The following LRP4 variants were observed in gnomAD, a reference collection of about 807,000 sequenced individuals.
The protein encoded by LRP4 is low-density lipoprotein receptor-related protein 4.
A neutral mutation model predicts 220.3 loss-of-function variants in LRP4; 95 were observed. That is an observed-to-expected ratio of 0.43 (90% CI 0.37 to 0.51). The LOEUF (loss-of-function observed/expected upper bound fraction) is 0.51, where lower values mean the gene tolerates loss of function less well. LRP4 is among the 20% of genes least tolerant of loss of function. The pLI is 0.00. For synonymous variants in LRP4, 903 were observed against 954.6 expected (o/e 0.95, Z 1.00); for missense variants, 1,925 against 2,567.0 (o/e 0.75, Z 5.40).
chr11:46,867,183 G>A (rs989826662), intron 34 of LRP4, among the ~76,000 whole-genome samples: 6 of 151,956 alleles, frequency 3.9e-5, no homozygotes, highest in Non-Finnish European at 7.4e-5. Context: ...AGAACTGTTC[G>A]TGTTTATGCT....
intron 2 of LRP4, among the ~76,000 whole-genome samples, chr11:46,901,883 C>A (rs1327197340): frequency 2.0e-5 from 3 of 151,982 alleles, no homozygotes; most frequent in Admixed American, 2.0e-4. Context: ...CAGGTGCCTG[C>A]CACCACGCCC....
intron 9 of LRP4, 90 bp from the exon 10 acceptor site, chr11:46,896,108 C>G (rs1362173080): frequency 6.2e-7 from 1 of 1,611,306 alleles, no homozygotes; most frequent in East Asian, 2.2e-5. Flanking sequence ...CAAAGAACAG[C>G]TCCCAAAGCT....
At position 46,918,543 on chromosome 11, in the gene LRP4, C is replaced by G. The variant is rs1175008737; in HGVS notation, c.-164G>C. ...GCCGCCGCCTCCAGTGCTGCCAGAG[C>G]CGACGCTGCCCCGCCAGGGGACCGG... On this transcript the variant is annotated 5_prime_UTR_variant, in exon 1 of 38. Transcript: ENST00000378623. This position sits in a 1 kb window ranked among gnomAD's most constrained non-coding sequence, Gnocchi z 6.0. 1.1e-5 allele frequency: 3 copies of G among 270,980 alleles called. No homozygotes were observed. Among genetic ancestry groups the G allele is most frequent in the Non-Finnish European group, 1.9e-5 (3 of 162,042 alleles). The allele number at this position is 270,980 out of a possible 1,614,324, so 16.8% of individuals were successfully genotyped here.
intron 37 of LRP4, among the ~76,000 whole-genome samples, chr11:46,861,444 T>C (rs1370651467): frequency 8.7e-5 from 13 of 150,040 alleles, no homozygotes; most frequent in Admixed American, 2.7e-4. Flanking sequence ...TTACAGGATT[T>C]TAGGAAAAAA....
In LRP4 at chr11:46,889,421, G is replaced by A; in HGVS notation, c.2205C>T (p.Ala735=). ...TGCAGACCCACTTACTCTGGGCACA[G>A]GCGTGGCTGCTGATCTTGCGGAAGC... ...PTGFRKISSH[A]CAQSLDKFLL... is the part of the protein sequence containing the mutation. The change falls in exon 16 of 38, where the codon GCC becomes GCT. Residue 735 remains alanine (A), a synonymous_variant. Transcript: ENST00000378623. 6.2e-7 allele frequency: 1 copy of A among 1,614,100 alleles called. No individual in the cohort carries two copies. The highest frequency in any genetic ancestry group is 8.5e-7 in the Non-Finnish European group (1 of 1,180,034).
Position 46,899,830 on chromosome 11 carries a change from C to CCTTG in LRP4, c.430+29_430+32dup. ...CCATGGCCAGGCCACCCACTGGCCA[C>CCTTG]CTTGCCTGCCTTCCCCCGTTGGGGT... On this transcript the variant is annotated intron_variant, in intron 4 of 37. Coordinates refer to ENST00000378623, the MANE Select transcript of LRP4 (RefSeq NM_002334.4). The surrounding 1 kb of genome is among the most constrained non-coding windows in gnomAD (Gnocchi z 5.9). 1 of 1,591,370 alleles carries CCTTG rather than the reference C, an allele frequency of 6.3e-7. No individual in the cohort carries two copies. Among genetic ancestry groups the CCTTG allele is most frequent in the Non-Finnish European group, 8.6e-7 (1 of 1,160,526 alleles).
intron 13 of LRP4, 36 bp downstream of exon 13, chr11:46,892,937 T>C (rs768345140): frequency 9.9e-6 from 16 of 1,609,304 alleles, no homozygotes; most frequent in East Asian, 2.2e-5. Flanking sequence ...TCCCGAGAGG[T>C]TGCAAGAAAG....
intron 36 of LRP4, among the ~76,000 whole-genome samples, chr11:46,863,679 A>C (rs992248368): frequency 6.6e-6 from 1 of 151,918 alleles, no homozygotes; most frequent in Admixed American, 6.6e-5. Flanking sequence ...GAATTGCTTG[A>C]ATCCAGGAGG....
chr11:46,879,025 A>C lies in LRP4; in HGVS notation c.3018T>G (p.Cys1006Trp). 1 of 1,614,218 alleles carries C rather than the reference A, an allele frequency of 6.2e-7. No individual in the cohort carries two copies. ...HRRRPPVSTP[C>W]AMENGGCSHL... is the part of the protein sequence containing the mutation. ...GGCTACAGCCGCCATTCTCCATAGC[A>C]CATGGTGTAGACACTGGGTAGAGAG... Residue 1006 changes from cysteine (C) to tryptophan (W), a missense_variant, in exon 22 of 38, where the codon TGT becomes TGG. Physicochemically the swap from Cys to Trp is radical, Grantham distance 215. Coordinates refer to ENST00000378623, the MANE Select transcript of LRP4 (RefSeq NM_002334.4).
rs376437208 is a variant in LRP4, at chr11:46,889,413, T to G, written c.2213A>C (p.Gln738Pro). 179 of 1,613,892 alleles carry G rather than the reference T, an allele frequency of 1.1e-4. No individual in the cohort carries two copies. The highest frequency in any genetic ancestry group is 1.5e-4 in the Non-Finnish European group (174 of 1,180,036). ...FRKISSHACA[Q>P]SLDKFLLFAR... is the part of the protein sequence containing the mutation. Reference sequence around the variant, plus strand: ...GCTGGTGTTGCAGACCCACTTACTCTGGGCACAGGCGTGGCTGCTGATCTT... The same window carrying G: ...GCTGGTGTTGCAGACCCACTTACTCGGGGCACAGGCGTGGCTGCTGATCTT... Residue 738 changes from glutamine (Q) to proline (P), a missense_variant and splice_region_variant, in exon 16 of 38, where the codon CAG becomes CCG. Coordinates refer to ENST00000378623, the MANE Select transcript of LRP4 (RefSeq NM_002334.4).
intron 18 of LRP4, among the ~76,000 whole-genome samples, chr11:46,885,602 T>C (rs527694996): frequency 6.6e-6 from 1 of 151,874 alleles, no homozygotes; most frequent in South Asian, 2.1e-4. Flanking sequence ...TGAAACCCCG[T>C]CTCTACTAAA....
chr11:46,884,571 C>A (rs1302668392), intron 18 of LRP4, among the ~76,000 whole-genome samples: 2 of 151,852 alleles, frequency 1.3e-5, no homozygotes, highest in Non-Finnish European at 2.9e-5. Context: ...CCCGTCTCTA[C>A]TAAAAAATAC....
intron 36 of LRP4, among the ~76,000 whole-genome samples, chr11:46,863,292 A>G (rs1056095828): frequency 1.3e-5 from 2 of 152,152 alleles, no homozygotes; most frequent in African/African-American, 4.8e-5. Flanking sequence ...ACCCATAGAA[A>G]CTGTGAGATA....
Position 46,896,878 on chromosome 11 carries a change from C to T in LRP4, c.913G>A (p.Glu305Lys). 1 of 1,614,220 alleles carries T rather than the reference C, an allele frequency of 6.2e-7. No individual in the cohort carries two copies. Among genetic ancestry groups the T allele is most frequent in the Non-Finnish European group, 8.5e-7 (1 of 1,180,020 alleles). ...CCCCGGGAGACACCACCTGTATTCT[C>T]ACAGTTCTCTTCATCGCTGTTGTCT... Reference protein sequence around the residue: ...CADNSDEENCENTGSPQCALD... With the variant: ...CADNSDEENCKNTGSPQCALD... Residue 305 changes from glutamate to lysine, a missense_variant, in exon 8 of 38, where the codon GAG (glutamate) becomes AAG (lysine). Physicochemically the swap from Glu to Lys is moderately conservative, Grantham distance 56. Coordinates refer to ENST00000378623, the MANE Select transcript of LRP4 (RefSeq NM_002334.4).
chr11:46,873,735 A>T lies in LRP4; in HGVS notation c.4230-142T>A. 1.6e-6 allele frequency: 1 copy of T among 630,608 alleles called. No individual in the cohort carries two copies. The highest frequency in any genetic ancestry group is 2.8e-6 in the Non-Finnish European group (1 of 360,298). 39.1% of individuals were successfully genotyped at this position (630,608 alleles called of 1,614,324 possible). A position where few individuals can be genotyped will look rare whatever the true frequency, so the allele number is the denominator to read the frequency against. On this transcript the variant is annotated intron_variant, in intron 28 of 37. Coordinates refer to ENST00000378623, the MANE Select transcript of LRP4 (RefSeq NM_002334.4). The surrounding 1 kb of genome is among the most constrained non-coding windows in gnomAD (Gnocchi z 4.2). ...CCAGGTATCTATGAGTACATTCCTC[A>T]GCACCCAGCATGATAGATGTTCAAT...
chr11:46,894,648 C>T lies in LRP4; in HGVS notation c.1481G>A (p.Arg494His), dbSNP rs777801967. The change falls in exon 12 of 38, where the codon CGT becomes CAT. Residue 494 changes from arginine (R) to histidine (H), a missense_variant. By Grantham distance (29) the Arg-to-His change is conservative. This residue lies in a region of LRP4 where 269 missense variants were observed against 436.7 expected (regional missense o/e 0.62). Transcript: ENST00000378623. Reference protein sequence around the residue: ...WSDVTLDRILRANLNGSNVEE... With the variant: ...WSDVTLDRILHANLNGSNVEE... The stretch of plus-strand genomic sequence containing the variant: ...CACGTTGCTGCCGTTGAGGTTGGCA[C>T]GGAGGATCCGGTCCAGGGTGACATC... The T allele has an allele frequency of 4.2e-5, 68 of 1,613,918 alleles. No homozygotes were observed. Among genetic ancestry groups the T allele is most frequent in the Non-Finnish European group, 5.4e-5 (64 of 1,179,988 alleles).
At chr11:46,897,903 G>A (rs1220000140) in intron 7 of LRP4, among the ~76,000 whole-genome samples, 2 of 152,172 alleles carry the variant, frequency 1.3e-5, no homozygotes, top group Admixed American at 6.5e-5. Context: ...CCTCCCAGAC[G>A]GGGTGGTGGC....
rs2306029 is a variant in LRP4, at chr11:46,871,557, T to A, written c.4660A>T (p.Ser1554Cys). The change falls in exon 31 of 38, where the codon AGC (serine) becomes TGC (cysteine). Residue 1554 changes from serine (S) to cysteine (C), a missense_variant. This residue lies in a region of LRP4 where 1,244 missense variants were observed against 1,624.9 expected (regional missense o/e 0.77). Transcript: ENST00000378623. ...AGGGCAAAGGGGTGGGACACATGGC[T>A]GACCAAGACCTGCCGCAGTTTCCCA... ...LNGKLRQVLV[S>C]HVSHPFALTQ... 1.2e-6 allele frequency: 2 copies of A among 1,612,036 alleles called. No individual in the cohort carries two copies. The highest frequency in any genetic ancestry group is 1.7e-6 in the Non-Finnish European group (2 of 1,179,072).
chr11:46,860,899 C>T (rs1204106656), intron 37 of LRP4: 5 of 966,986 alleles, frequency 5.2e-6, no homozygotes, highest in Non-Finnish European at 6.1e-6. Flanking sequence ...GGAAACACCA[C>T]TCCCTCTACA....
Sources: gnomAD v4.1 joint callset for allele counts (sites outside exome capture counted in the v4.1 genomes callset) on GRCh38, gnomAD v4.1.1 for gene constraint, gnomAD v4.1.1 regional missense constraint, Gnocchi (gnomAD v3.1) non-coding constraint, MANE v1.5 for transcripts, NCBI Gene and HGNC (gene_info 2026-07-23, HGNC 2026-07-21) for gene names.